GPC5: variants seen among roughly 807,000 people sequenced by gnomAD.
The protein encoded by GPC5 is glypican 5.
GPC5 carries 47 observed loss-of-function variants against 53.9 expected under a neutral mutation model. That is an observed-to-expected ratio of 0.87 (90% confidence interval 0.69 to 1.11). The LOEUF is 1.11. Ranked by LOEUF, GPC5 falls within the 50% of genes most tolerant of loss-of-function variation. The pLI is 0.00. For missense variants in GPC5, 748 were observed against 713.1 expected, an observed-to-expected ratio of 1.05 and a Z score of -0.56; for synonymous variants, 286 against 263.3, an observed-to-expected ratio of 1.09 and a Z score of -0.84.
At chr13:91,469,947 C>T (rs985097449) in intron 2 of GPC5, among the ~76,000 whole-genome samples, 17 of 151,966 alleles carry the variant, frequency 1.1e-4, no homozygotes, top group Admixed American at 5.2e-4. Flanking sequence ...GGCTGAGGCA[C>T]GAGAATCACT....
chr13:91,859,245 T>C lies in GPC5; in HGVS notation c.1281-48692T>C, dbSNP rs574212125. Among the ~76,000 whole-genome samples the C allele has an allele frequency of 6.6e-5, 10 of 152,088 alleles. No individual in the cohort carries two copies. The East Asian group carries it at 1.7e-3, about 26-fold the overall frequency. On this transcript the variant is annotated intron_variant, in intron 5 of 7. Coordinates refer to ENST00000377067, the MANE Select transcript of GPC5 (RefSeq NM_004466.6). ...CTTTAAGGTGTATCATCAGGTTATT[T>C]ATTTGAGGTTTTTCACTTCTTTGAT... is the stretch of plus-strand genomic sequence containing the variant.
At position 91,742,429 on chromosome 13, in the gene GPC5, C is replaced by G. The variant is rs3783053; in HGVS notation, c.1154+13764C>G. Among the ~76,000 whole-genome samples the G allele has an allele frequency of 3.9e-3, 590 of 152,296 alleles. 9 individuals carry two copies. In the East Asian group the frequency reaches 0.044, roughly 11 times the overall value. On this transcript the variant is annotated intron_variant, in intron 4 of 7. Transcript: ENST00000377067. ...AGAAAATGTTTTAAAAATGCTCTTA[C>G]TTTCTAGATGTTCATGAAAAAATTA...
At chr13:92,118,108 G>C (rs754489334) in intron 6 of GPC5, among the ~76,000 whole-genome samples, 1 of 152,070 alleles carries the variant, frequency 6.6e-6, no homozygotes, top group African/African-American at 2.4e-5. Flanking sequence ...TTGTTTTGTA[G>C]ATGCCCTGTA....
intron 5 of GPC5, among the ~76,000 whole-genome samples, chr13:91,829,514 T>C (rs532615991): frequency 1.3e-4 from 20 of 152,188 alleles, no homozygotes; most frequent in African/African-American, 4.8e-4. Flanking sequence ...TTCCTTGTTC[T>C]TAGGAAACAA....
At chr13:91,630,703 G>A (rs1449242720) in intron 2 of GPC5, among the ~76,000 whole-genome samples, 1 of 152,040 alleles carries the variant, frequency 6.6e-6, no homozygotes, top group African/African-American at 2.4e-5. Context: ...GTAAAATAGT[G>A]GAAGAAGAAT....
chr13:92,746,626 G>A (rs1387878748), intron 7 of GPC5, among the ~76,000 whole-genome samples: 1 of 152,012 alleles, frequency 6.6e-6, no homozygotes, highest in African/African-American at 2.4e-5. Flanking sequence ...CTTCATCAGA[G>A]TTTACAATAT....
intron 7 of GPC5, among the ~76,000 whole-genome samples, chr13:92,780,586 T>G (rs1465388767): frequency 6.6e-6 from 1 of 152,024 alleles, no homozygotes; most frequent in African/African-American, 2.4e-5. Context: ...CATTTTCTAA[T>G]AATATGGTCA....
At chr13:92,134,914 T>A (rs973995608) in intron 6 of GPC5, among the ~76,000 whole-genome samples, 3 of 152,244 alleles carry the variant, frequency 2.0e-5, no homozygotes, top group East Asian at 1.9e-4. Context: ...TTTAAAAAAA[T>A]TGGGGTAGTA....
intron 7 of GPC5, among the ~76,000 whole-genome samples, chr13:92,516,376 A>G (rs1195131473): frequency 6.6e-6 from 1 of 152,162 alleles, no homozygotes; most frequent in East Asian, 1.9e-4. Flanking sequence ...TGTGAAGTTA[A>G]ATTTAAAAAA....
chr13:91,917,706 T>C (rs1196293218), intron 6 of GPC5, among the ~76,000 whole-genome samples: 4 of 152,212 alleles, frequency 2.6e-5, no homozygotes, highest in Non-Finnish European at 5.9e-5. Flanking sequence ...AATTCTTTCT[T>C]TGATAAAGCA....
chr13:92,186,179 C>T (rs1487220745), intron 7 of GPC5, among the ~76,000 whole-genome samples: 2 of 151,882 alleles, frequency 1.3e-5, no homozygotes, highest in Admixed American at 1.3e-4. Flanking sequence ...TTCTGGTAGA[C>T]ATTATCTTCT....
chr13:92,064,426 C>A (rs2041149065), intron 6 of GPC5, among the ~76,000 whole-genome samples: 1 of 152,098 alleles, frequency 6.6e-6, no homozygotes, highest in African/African-American at 2.4e-5. Context: ...AGCGCTGTTA[C>A]AAAGAAACTT....
At position 91,791,995 on chromosome 13, in the gene GPC5, T is replaced by C. The variant is rs1275106507; in HGVS notation, c.1280+35575T>C. On this transcript the variant is annotated intron_variant, in intron 5 of 7. Transcript: ENST00000377067. ...ATTGATTAAAGGTCATATTGATAAC[T>C]ATCACTTTCTTCTTTCATAACGAAT... 6.6e-5 allele frequency among the ~76,000 whole-genome samples: 10 copies of C among 152,262 alleles called. No homozygotes were observed. In the South Asian group the frequency reaches 1.9e-3, roughly 28 times the overall value.
chr13:91,819,151 C>CTTTTTT (rs386380203), intron 5 of GPC5, among the ~76,000 whole-genome samples: 1 of 58,046 alleles, frequency 1.7e-5, no homozygotes, highest in African/African-American at 7.4e-5. Flanking sequence ...AAAATATGCG[C>CTTTTTT]TTTTTTTTTT....
intron 7 of GPC5, among the ~76,000 whole-genome samples, chr13:92,357,993 A>G (rs1594130083): frequency 6.6e-6 from 1 of 151,814 alleles, no homozygotes; most frequent in Non-Finnish European, 1.5e-5. Context: ...GTTTTAAATC[A>G]TTTCAGCATT....
At chr13:92,166,455 A>G (rs2042028328) in intron 7 of GPC5, among the ~76,000 whole-genome samples, 1 of 152,182 alleles carries the variant, frequency 6.6e-6, no homozygotes, top group African/African-American at 2.4e-5. Context: ...GTTACTTTGA[A>G]AGTATTCTGG....
intron 2 of GPC5, among the ~76,000 whole-genome samples, chr13:91,540,178 G>A (rs1414913482): frequency 2.6e-5 from 4 of 152,180 alleles, no homozygotes; most frequent in Non-Finnish European, 5.9e-5. Flanking sequence ...AAGAAAGACT[G>A]TGAAACAGCT....
intron 7 of GPC5, among the ~76,000 whole-genome samples, chr13:92,293,671 T>C (rs1157355952): frequency 6.6e-6 from 1 of 152,060 alleles, no homozygotes; most frequent in Non-Finnish European, 1.5e-5. Context: ...CATTACCAAT[T>C]TGGATGCGCT....
chr13:91,867,256 A>G (rs2039095483), intron 5 of GPC5, among the ~76,000 whole-genome samples: 1 of 152,150 alleles, frequency 6.6e-6, no homozygotes, highest in Non-Finnish European at 1.5e-5. Context: ...TCTACTGCTG[A>G]GGTAACTGTT....
Sources: gnomAD v4.1 joint callset for allele counts (sites outside exome capture counted in the v4.1 genomes callset) on GRCh38, gnomAD v4.1.1 for gene constraint, MANE v1.5 for transcripts, NCBI Gene and HGNC (gene_info 2026-07-23, HGNC 2026-07-21) for gene names.